Variants in WFS1 observed in about 807,000 individuals in gnomAD.
WFS1 encodes wolframin.
Under a neutral mutation model 68.5 loss-of-function variants are expected in WFS1, and 90 were observed. That is an observed-to-expected ratio of 1.31 (90% CI 1.11 to 1.56). The LOEUF is 1.56. Among genes scored for constraint, WFS1 ranks in the 40% most tolerant of loss-of-function variants. WFS1 has a pLI of 0.00. For synonymous variants in WFS1, 860 were observed against 540.7 expected, an observed-to-expected ratio of 1.59 and a Z score of -8.19; for missense variants, 1,767 against 1,232.6, an observed-to-expected ratio of 1.43 and a Z score of -6.49.
rs377064930 is a variant in WFS1 at position 6,301,118 on chromosome 4, G to A, written c.1323G>A (p.Val441=). 1.9e-6 allele frequency: 3 copies of A among 1,613,454 alleles called. No individual in the cohort carries two copies. The highest frequency in any genetic ancestry group is 3.3e-5 in the Admixed American group (2 of 59,998). Residue 441 remains valine, a synonymous_variant, in exon 8 of 8, where the codon GTG becomes GTA. Coordinates refer to ENST00000226760, the MANE Select transcript of WFS1 (RefSeq NM_006005.3). The part of the protein sequence containing the change: ...ELAVITGFFT[V]TSYLSLSTHA... ...CTGTCATCACCGGCTTCTTTACCGT[G>A]ACCAGCTACCTGAGCCTGAGCACCC...
intron 2 of WFS1, among the ~76,000 whole-genome samples, chr4:6,281,087 G>C (rs987426701): frequency 1.3e-5 from 2 of 152,170 alleles, no homozygotes; most frequent in Non-Finnish European, 2.9e-5. Flanking sequence ...AGGCCTCCCA[G>C]CCATTGGGGG....
Position 6,279,581 on chromosome 4 carries a change from A to G in WFS1, c.232+1894A>G, listed in dbSNP as rs890306947. 2.0e-5 allele frequency among the ~76,000 whole-genome samples: 3 copies of G among 152,174 alleles called. No homozygotes were observed. The East Asian group carries it at 5.8e-4, about 29-fold the overall frequency. ...GAGCAGGTTGGCCTGTCCCTAGATC[A>G]GTGCCTGGCCAGGCCCTGGTGACAG... On this transcript the variant is annotated intron_variant, in intron 2 of 7. Transcript: ENST00000226760.
intron 7 of WFS1, among the ~76,000 whole-genome samples, chr4:6,296,126 G>C (rs1339033442): frequency 6.6e-6 from 1 of 152,248 alleles, no homozygotes; most frequent in African/African-American, 2.4e-5. Context: ...AGGACCAGGA[G>C]ATGGTTGGGC....
chr4:6,300,704 G>A lies in WFS1; in HGVS notation c.909G>A (p.Leu303=), dbSNP rs758091097. 15 of 1,614,066 alleles carry A rather than the reference G, an allele frequency of 9.3e-6. No homozygotes were observed. The highest frequency in any genetic ancestry group is 1.3e-5 in the Non-Finnish European group (15 of 1,179,986). ...CCATCATGGAGATCAAGGAGTACCT[G>A]ATTGACATGGCCTCCAGGGCAGGCA... The part of the protein sequence containing the change: ...LHAIMEIKEY[L]IDMASRAGMH... Residue 303 remains leucine, a synonymous_variant, in exon 8 of 8, where the codon CTG becomes CTA. Transcript: ENST00000226760.
chr4:6,299,598 G>GGTT (rs376109082), intron 7 of WFS1, among the ~76,000 whole-genome samples: 8,201 of 32,414 alleles, frequency 0.25, 3,136 homozygotes, highest in East Asian at 0.8. Flanking sequence ...TGTAGGGGTG[G>GGTT]GTTTGAATGC....
At chr4:6,300,594 C>T (rs947743527) in intron 7 of WFS1, 63 bp from the exon 8 acceptor site, 59 of 1,607,138 alleles carry the variant, frequency 3.7e-5, no homozygotes, top group African/African-American at 2.0e-4. Context: ...CAGAGGGAGG[C>T]GTGAGATGGG....
chr4:6,283,046 T>C lies in WFS1; in HGVS notation c.233-4047T>C, dbSNP rs1233552155. Reference sequence around the variant, plus strand: ...GGCTGGCGGAGCCTGTGATAGACGATGGACGATGACCCAGGTTCCAGCAAG... The same window carrying C: ...GGCTGGCGGAGCCTGTGATAGACGACGGACGATGACCCAGGTTCCAGCAAG... On this transcript the variant is annotated intron_variant, in intron 2 of 7. Transcript: ENST00000226760. The surrounding 1 kb of genome is among the most constrained non-coding windows in gnomAD (Gnocchi z 5.0). Among the ~76,000 whole-genome samples, 1 of 152,146 alleles carries C rather than the reference T, an allele frequency of 6.6e-6. No homozygotes were observed. The highest frequency in any genetic ancestry group is 1.5e-5 in the Non-Finnish European group (1 of 68,026).
chr4:6,295,306 C>T (rs1468174582), intron 7 of WFS1, 117 bp downstream of exon 7: 1 of 1,268,110 alleles, frequency 7.9e-7, no homozygotes, highest in African/African-American at 1.5e-5. Context: ...CAAAGAGTGT[C>T]TTACAGCCGT....
intron 7 of WFS1, among the ~76,000 whole-genome samples, chr4:6,300,203 T>G (rs919844661): frequency 6.6e-6 from 1 of 152,136 alleles, no homozygotes; most frequent in Non-Finnish European, 1.5e-5. Flanking sequence ...GCCATTTCCC[T>G]TCATGGAGGC....
chr4:6,302,640 T>C lies in WFS1; in HGVS notation c.*172T>C. 1.1e-6 allele frequency: 1 copy of C among 915,984 alleles called. No individual in the cohort carries two copies. Among genetic ancestry groups the C allele is most frequent in the Non-Finnish European group, 1.6e-6 (1 of 610,694 alleles). The allele number at this position is 915,984 out of a possible 1,614,324, so 56.7% of individuals were successfully genotyped here. A position where few individuals can be genotyped will look rare whatever the true frequency, so the allele number is the denominator to read the frequency against. ...GCGTGGACCCCGACAAAGGGAAGGC[T>C]GCTGTGTAGCTCTGTCCACTCTGAA... On this transcript the variant is annotated 3_prime_UTR_variant, in exon 8 of 8. Transcript: ENST00000226760.
chr4:6,282,539 A>T (rs530257051), intron 2 of WFS1, among the ~76,000 whole-genome samples: 1 of 152,158 alleles, frequency 6.6e-6, no homozygotes, highest in Non-Finnish European at 1.5e-5. Context: ...TATTTACCAC[A>T]TGCCTAAGAT....
intron 7 of WFS1, among the ~76,000 whole-genome samples, chr4:6,298,319 A>G (rs1470617838): frequency 1.3e-5 from 2 of 152,208 alleles, no homozygotes; most frequent in African/African-American, 4.8e-5. Flanking sequence ...GTTGGTTTTC[A>G]TAAATGCCCT....
rs1729974392 is a variant in WFS1, at chr4:6,275,675, A to G, written c.-5-1776A>G. 1.3e-5 allele frequency among the ~76,000 whole-genome samples: 2 copies of G among 151,924 alleles called. 1 individual carries two copies. Among genetic ancestry groups the G allele is most frequent in the South Asian group, 4.1e-4 (2 of 4,826 alleles). ...TTACACTAAGGGCTCAGTCCCTCTG[A>G]GGGAGGAACGTGTGGATTGAAATCT... is the stretch of plus-strand genomic sequence containing the variant. On this transcript the variant is annotated intron_variant, in intron 1 of 7. Transcript: ENST00000226760.
At chr4:6,294,927 T>TTC in intron 6 of WFS1, 114 bp from the exon 7 acceptor site, 2 of 1,569,608 alleles carry the variant, frequency 1.3e-6, no homozygotes, top group Non-Finnish European at 1.7e-6. Flanking sequence ...CTGAACCCAC[T>TTC]CAGCTCCTTT....
At chr4:6,298,642 A>G (rs1178151826) in intron 7 of WFS1, among the ~76,000 whole-genome samples, 1 of 151,650 alleles carries the variant, frequency 6.6e-6, no homozygotes, top group Non-Finnish European at 1.5e-5. Flanking sequence ...CAGTCTGTGT[A>G]GACATGCATG....
At chr4:6,271,756 C>CGATCCGGGCA (rs1159317343) in intron 1 of WFS1, among the ~76,000 whole-genome samples, 2 of 152,198 alleles carry the variant, frequency 1.3e-5, no homozygotes, top group Non-Finnish European at 2.9e-5. Flanking sequence ...TCCCTGGTCC[C>CGATCCGGGCA]GATCCGGGCC....
chr4:6,299,529 ATAGGGGTGGGTTGTGTGAATGTGTGTG>A (rs1389644289), intron 7 of WFS1, among the ~76,000 whole-genome samples: 13 of 78,202 alleles, frequency 1.7e-4, no homozygotes, highest in Non-Finnish European at 2.4e-4. Context: ...GTGAATGTGT[ATAGGGGTGGGTTGTGTGAATGTGTGTG>A]TAGGGGTGGG....
At chr4:6,270,427 C>G (rs1729768681) in intron 1 of WFS1, among the ~76,000 whole-genome samples, 1 of 151,116 alleles carries the variant, frequency 6.6e-6, no homozygotes, top group Non-Finnish European at 1.5e-5. Context: ...CGGTGCCCGC[C>G]CGGCCGTTGG....
At chr4:6,282,599 G>T (rs547741423) in intron 2 of WFS1, among the ~76,000 whole-genome samples, 1 of 152,166 alleles carries the variant, frequency 6.6e-6, no homozygotes, top group Non-Finnish European at 1.5e-5. Context: ...TAAACACTAT[G>T]GAAGTATGTC....
Sources: gnomAD v4.1 joint callset for allele counts (sites outside exome capture counted in the v4.1 genomes callset) on GRCh38, gnomAD v4.1.1 for gene constraint, Gnocchi (gnomAD v3.1) non-coding constraint, MANE v1.5 for transcripts, NCBI Gene and HGNC (gene_info 2026-07-23, HGNC 2026-07-21) for gene names.